WWOX: variants seen among roughly 807,000 people sequenced by gnomAD.
WWOX encodes the protein WW domain-containing oxidoreductase.
In WWOX, 69 loss-of-function variants were observed where a neutral mutation model predicts 46.2. The observed-to-expected ratio is 1.49, with a 90% confidence interval of 1.23 to 1.82. The LOEUF is 1.82. Among genes scored for constraint, WWOX ranks in the 40% most tolerant of loss-of-function variants. The probability of loss-of-function intolerance (pLI) is 0.00; values close to 1 mark genes in which losing one functional copy is unlikely to be tolerated. For missense variants in WWOX, 919 were observed against 542.6 expected (o/e 1.69, Z -6.89); for synonymous variants, 359 against 202.6 (o/e 1.77, Z -6.56).
At chr16:78,546,919 G>GAGAT (rs2044046613) in intron 8 of WWOX, among the ~76,000 whole-genome samples, 3 of 151,952 alleles carry the variant, frequency 2.0e-5, no homozygotes. Flanking sequence ...TTGAGCCCAG[G>GAGAT]GGTTTCAGAT....
At chr16:78,321,076 A>G (rs369943043) in intron 5 of WWOX, among the ~76,000 whole-genome samples, 8 of 152,246 alleles carry the variant, frequency 5.3e-5, no homozygotes, top group African/African-American at 1.9e-4. Flanking sequence ...TGCTAAAAAC[A>G]GCCTGCTGCC....
intron 8 of WWOX, among the ~76,000 whole-genome samples, chr16:79,091,784 T>G (rs1013911228): frequency 7.0e-6 from 1 of 141,960 alleles, no homozygotes; most frequent in South Asian, 2.3e-4. Flanking sequence ...TCTTTGTTTT[T>G]TTTTTTTTTT....
At chr16:78,813,479 C>T (rs1214671548) in intron 8 of WWOX, among the ~76,000 whole-genome samples, 1 of 152,048 alleles carries the variant, frequency 6.6e-6, no homozygotes, top group African/African-American at 2.4e-5. Flanking sequence ...TTTCTGGGGA[C>T]ACATATTTTG....
At chr16:78,289,783 G>A (rs1284613900) in intron 5 of WWOX, among the ~76,000 whole-genome samples, 2 of 152,170 alleles carry the variant, frequency 1.3e-5, no homozygotes, top group Non-Finnish European at 2.9e-5. Flanking sequence ...TCCTTTAGAG[G>A]AGGTCCTGAA....
chr16:78,694,891 T>A (rs1243988373), intron 8 of WWOX, among the ~76,000 whole-genome samples: 1 of 152,118 alleles, frequency 6.6e-6, no homozygotes, highest in Non-Finnish European at 1.5e-5. Flanking sequence ...CTAAATGGCC[T>A]ACTTAAACCT....
In WWOX at chr16:79,048,632, C is replaced by G. The variant is rs184382567; in HGVS notation, c.1057-162976C>G. Among the ~76,000 whole-genome samples, 10 of 152,224 alleles carry G rather than the reference C, an allele frequency of 6.6e-5. No individual in the cohort carries two copies. In the East Asian group the frequency reaches 1.4e-3, roughly 21 times the overall value. Reference sequence around the variant, plus strand: ...AATGTGTTGTGTTTTTTTGTTTTCTCTGATAATTATACTCTAAAGCATCAA... The same window carrying G: ...AATGTGTTGTGTTTTTTTGTTTTCTGTGATAATTATACTCTAAAGCATCAA... On this transcript the variant is annotated intron_variant, in intron 8 of 8. Coordinates refer to ENST00000566780, the MANE Select transcript of WWOX (RefSeq NM_016373.4).
intron 8 of WWOX, among the ~76,000 whole-genome samples, chr16:78,619,456 G>A (rs2046122703): frequency 6.7e-6 from 1 of 150,100 alleles, no homozygotes. Context: ...GCACATGGGT[G>A]ACCCGCACCC....
chr16:78,416,801 T>C (rs866545248), intron 6 of WWOX, among the ~76,000 whole-genome samples: 4 of 152,222 alleles, frequency 2.6e-5, no homozygotes, highest in Admixed American at 1.3e-4. Flanking sequence ...AACAATTATC[T>C]AAGCTGGCAG....
chr16:78,099,681 C>A lies in WWOX; in HGVS notation c.-98C>A, dbSNP rs573508337. The A allele has an allele frequency of 2.8e-6, 4 of 1,426,400 alleles. No individual in the cohort carries two copies. Among genetic ancestry groups the A allele is most frequent in the Non-Finnish European group, 2.8e-6 (3 of 1,085,428 alleles). The allele number at this position is 1,426,400 out of a possible 1,614,324, so 88.4% of individuals were successfully genotyped here. On this transcript the variant is annotated 5_prime_UTR_variant, in exon 1 of 9. Transcript: ENST00000566780. ...AGTGCGCAGGCGTGAGCGGTCGGGC[C>A]CCGACGCGCGCGGGTCTCGTTTGGA... is the stretch of plus-strand genomic sequence containing the variant.
rs116398328 is a variant in WWOX at position 78,425,811 on chromosome 16, G to A, written c.791+756G>A. On this transcript the variant is annotated intron_variant, in intron 7 of 8. Transcript: ENST00000566780. The stretch of plus-strand genomic sequence containing the variant: ...GTTTGCTTGGTGTGTGTTTGGCGGG[G>A]GGAACTTACACTCTTAGCAAAGTAG... Among the ~76,000 whole-genome samples the A allele has an allele frequency of 6.4e-3, 972 of 152,132 alleles. 6 individuals carry two copies. The highest frequency in any genetic ancestry group is 0.022 in the African/African-American group (911 of 41,510).
At chr16:78,546,509 C>A (rs981028659) in intron 8 of WWOX, among the ~76,000 whole-genome samples, 2 of 152,186 alleles carry the variant, frequency 1.3e-5, no homozygotes, top group Non-Finnish European at 2.9e-5. Context: ...TTGCAATTAC[C>A]TTGCCCAAGA....
intron 6 of WWOX, among the ~76,000 whole-genome samples, chr16:78,409,223 TGA>T (rs1176409651): frequency 6.6e-6 from 1 of 152,108 alleles, no homozygotes; most frequent in African/African-American, 2.4e-5. Flanking sequence ...TGTAATGAAT[TGA>T]GTTTTAAAGC....
chr16:78,931,856 T>C (rs1032990078), intron 8 of WWOX, among the ~76,000 whole-genome samples: 1 of 152,178 alleles, frequency 6.6e-6, no homozygotes, highest in Non-Finnish European at 1.5e-5. Context: ...TGGGAGGGAT[T>C]TGAATCGTGG....
chr16:78,640,597 C>G (rs974420406), intron 8 of WWOX, among the ~76,000 whole-genome samples: 2 of 152,082 alleles, frequency 1.3e-5, no homozygotes, highest in African/African-American at 4.8e-5. Flanking sequence ...ACCTATGTAA[C>G]AAACCTACAC....
chr16:78,649,698 TG>T (rs2046923102), intron 8 of WWOX, among the ~76,000 whole-genome samples: 2 of 152,248 alleles, frequency 1.3e-5, no homozygotes, highest in African/African-American at 4.8e-5. Flanking sequence ...TAAAATTATT[TG>T]TTACTGTTGT....
intron 8 of WWOX, among the ~76,000 whole-genome samples, chr16:79,103,451 C>T (rs1321433815): frequency 6.6e-6 from 1 of 152,142 alleles, no homozygotes; most frequent in Non-Finnish European, 1.5e-5. Flanking sequence ...AGGATTCACT[C>T]CTTCCTTGGA....
At chr16:78,713,462 C>T (rs925022655) in intron 8 of WWOX, among the ~76,000 whole-genome samples, 4 of 151,900 alleles carry the variant, frequency 2.6e-5, no homozygotes, top group East Asian at 3.9e-4. Flanking sequence ...TGTGATGAAG[C>T]CCTAATTCAC....
chr16:78,683,447 C>G (rs920717940), intron 8 of WWOX, among the ~76,000 whole-genome samples: 1 of 151,644 alleles, frequency 6.6e-6, no homozygotes, highest in African/African-American at 2.4e-5. Context: ...GGCTGAGGCA[C>G]TAGTATCACT....
At chr16:79,170,928 T>G (rs2050688117) in intron 8 of WWOX, among the ~76,000 whole-genome samples, 1 of 152,212 alleles carries the variant, frequency 6.6e-6, no homozygotes, top group African/African-American at 2.4e-5. Context: ...CCTACAAATT[T>G]TTAATACATT....
Sources: gnomAD v4.1 joint callset for allele counts (sites outside exome capture counted in the v4.1 genomes callset) on GRCh38, gnomAD v4.1.1 for gene constraint, MANE v1.5 for transcripts, NCBI Gene and HGNC (gene_info 2026-07-23, HGNC 2026-07-21) for gene names.